The following PIK3C2B variants were observed in gnomAD, a reference collection of about 807,000 sequenced individuals.
The protein encoded by PIK3C2B is phosphatidylinositol-4-phosphate 3-kinase catalytic subunit type 2 beta.
A neutral mutation model predicts 184.3 loss-of-function variants in PIK3C2B; 83 were observed. The ratio of observed to expected loss-of-function variants is 0.45; its 90% CI spans 0.38 to 0.54. The LOEUF (loss-of-function observed/expected upper bound fraction) is 0.54. Among genes scored for constraint, PIK3C2B ranks in the 20% least tolerant of loss-of-function variants. PIK3C2B has a pLI of 0.00. For synonymous variants in PIK3C2B, 779 were observed against 837.6 expected, an observed-to-expected ratio of 0.93 and a Z score of 1.21; for missense variants, 1,736 against 2,113.5, an observed-to-expected ratio of 0.82 and a Z score of 3.50.
At chr1:204,430,496 C>T (rs1408761602) in intron 28 of PIK3C2B, among the ~76,000 whole-genome samples, 1 of 151,764 alleles carries the variant, frequency 6.6e-6, no homozygotes, top group Non-Finnish European at 1.5e-5. Context: ...CAGGCACACA[C>T]CACCGCACCC....
At chr1:204,491,336 C>G (rs957250544) in intron 1 of PIK3C2B, among the ~76,000 whole-genome samples, 1 of 151,572 alleles carries the variant, frequency 6.6e-6, no homozygotes, top group African/African-American at 2.4e-5. Context: ...TTGCAGGGAG[C>G]TGAGATGACA....
intron 21 of PIK3C2B, 110 bp downstream of exon 21, chr1:204,441,361 C>T: frequency 1.5e-6 from 1 of 647,230 alleles, no homozygotes; most frequent in Non-Finnish European, 2.8e-6. Flanking sequence ...TACATTAAGA[C>T]AGCATGGAAC....
intron 7 of PIK3C2B, 90 bp from the exon 8 acceptor site, chr1:204,460,031 C>T: frequency 3.0e-6 from 3 of 991,572 alleles, no homozygotes. Flanking sequence ...CTCTCCTCAG[C>T]TCACACTCTG....
In PIK3C2B at chr1:204,454,811, G is replaced by A. The variant is rs1473450393; in HGVS notation, c.1944-20C>T. ...TCATAGCTATAAAAGAAAGGGAGCA[G>A]GTCAGGACACCCAGCTCCCAAAACC... On this transcript the variant is annotated intron_variant, in intron 11 of 32. Transcript: ENST00000684373. The A allele has an allele frequency of 1.2e-6, 2 of 1,603,960 alleles. No individual in the cohort carries two copies. The highest frequency in any genetic ancestry group is 1.7e-6 in the Non-Finnish European group (2 of 1,178,268).
At chr1:204,460,194 G>A in intron 7 of PIK3C2B, 130 bp downstream of exon 7, 1 of 748,284 alleles carries the variant, frequency 1.3e-6, no homozygotes, top group Non-Finnish European at 2.3e-6. Context: ...TCTCTGATAA[G>A]ATGTGTGGGC....
Position 204,442,567 on chromosome 1 carries a change from G to A in PIK3C2B, c.3115C>T (p.Pro1039Ser). 6.4e-7 allele frequency: 1 copy of A among 1,555,318 alleles called. No individual in the cohort carries two copies. Among genetic ancestry groups the A allele is most frequent in the Non-Finnish European group, 8.7e-7 (1 of 1,149,106 alleles). The change falls in exon 20 of 33, where the codon CCA becomes TCA. Residue 1039 changes from proline to serine, a missense_variant. Around this residue, in one of 8 missense-constraint regions of PIK3C2B, gnomAD observed 289 missense variants for 380.4 expected, o/e 0.76. Transcript: ENST00000684373. ...TTAACCAGCAGACTGGGGCTGAGTG[G>A]CAAGCGGCACGAGCCATTGAGGGCA... is the stretch of plus-strand genomic sequence containing the variant. Reference protein sequence around the residue: ...FFALNGSCRLPLSPSLLVKGI... With the variant: ...FFALNGSCRLSLSPSLLVKGI...
intron 1 of PIK3C2B, among the ~76,000 whole-genome samples, chr1:204,484,494 G>A (rs1253462417): frequency 6.6e-6 from 1 of 152,134 alleles, no homozygotes; most frequent in Non-Finnish European, 1.5e-5. Flanking sequence ...CAGCACTTTG[G>A]GAGGCCAAGG....
chr1:204,459,807 C>T, intron 8 of PIK3C2B, 71 bp downstream of exon 8: 1 of 1,295,876 alleles, frequency 7.7e-7, no homozygotes, highest in South Asian at 1.2e-5. Context: ...GCTGGGTGAT[C>T]CCAGGAGGAC....
At chr1:204,440,369 A>C in intron 21 of PIK3C2B, 48 bp from the exon 22 acceptor site, 1 of 1,521,222 alleles carries the variant, frequency 6.6e-7, no homozygotes, top group Admixed American at 2.0e-5. Context: ...CTACCTCCCC[A>C]GCTCTCAGGT....
Position 204,469,064 on chromosome 1 carries a change from C to T in PIK3C2B, c.739G>A (p.Glu247Lys). The change falls in exon 2 of 33, where the codon GAG (glutamate) becomes AAG (lysine). Residue 247 changes from glutamate (E) to lysine (K), a missense_variant. Glu to Lys is a moderately conservative substitution (Grantham distance 56, BLOSUM62 1). Transcript: ENST00000684373. ...RLNLKSTYDA[E>K]MLRDATRGWK... is the part of the protein sequence containing the mutation. ...CCCCTGGTGGCATCCCGCAACATCT[C>T]CGCATCATAGGTCGATTTCAAGTTG... 6.2e-7 allele frequency: 1 copy of T among 1,614,224 alleles called. No homozygotes were observed. Among genetic ancestry groups the T allele is most frequent in the South Asian group, 1.1e-5 (1 of 91,088 alleles).
Position 204,428,145 on chromosome 1 carries a change from A to T in PIK3C2B, c.4474T>A (p.Ser1492Thr). 1 of 1,600,620 alleles carries T rather than the reference A, an allele frequency of 6.2e-7. No homozygotes were observed. Among genetic ancestry groups the T allele is most frequent in the Non-Finnish European group, 8.6e-7 (1 of 1,167,926 alleles). ...CTCAGAGAAGATACTGTACCTGAGG[A>T]CTTAGGAGCTGGGCTGGTGCCCATA... is the stretch of plus-strand genomic sequence containing the variant. ...KAMGTSPAPK[S>T]SDGTWARPVG... is the part of the protein sequence containing the mutation. Residue 1492 changes from serine (S) to threonine (T), a missense_variant, in exon 30 of 33, where the codon TCC becomes ACC. Around this residue, in one of 8 missense-constraint regions of PIK3C2B, gnomAD observed 200 missense variants for 199.1 expected, o/e 1.00. Transcript: ENST00000684373.
At chr1:204,491,321 G>A (rs573659997) in intron 1 of PIK3C2B, among the ~76,000 whole-genome samples, 10 of 152,056 alleles carry the variant, frequency 6.6e-5, no homozygotes, top group South Asian at 2.1e-4. Flanking sequence ...CCTGGGAGAC[G>A]GAGGTTGCAG....
Position 204,433,979 on chromosome 1 carries a change from G to A in PIK3C2B, c.3687-30C>T, listed in dbSNP as rs1287878067. On this transcript the variant is annotated intron_variant, in intron 24 of 32. Coordinates refer to ENST00000684373, the MANE Select transcript of PIK3C2B (RefSeq NM_001377334.1). This position sits in a 1 kb window ranked among gnomAD's most constrained non-coding sequence, Gnocchi z 5.0. ...GCCAAGGGGAACATACAGGTAGAAG[G>A]TCAACATGGAGGAGGAAGCCCACCA... 1 of 1,604,992 alleles carries A rather than the reference G, an allele frequency of 6.2e-7. No individual in the cohort carries two copies. Among genetic ancestry groups the A allele is most frequent in the South Asian group, 1.1e-5 (1 of 90,812 alleles).
chr1:204,467,647 C>T (rs1303778825), intron 2 of PIK3C2B, among the ~76,000 whole-genome samples: 1 of 151,998 alleles, frequency 6.6e-6, no homozygotes, highest in East Asian at 1.9e-4. Flanking sequence ...CCAGCCTGGC[C>T]AATGTGGTGA....
At chr1:204,470,665 T>TA (rs1214525929) in intron 1 of PIK3C2B, among the ~76,000 whole-genome samples, 2 of 152,218 alleles carry the variant, frequency 1.3e-5, no homozygotes, top group African/African-American at 4.8e-5. Context: ...CCAAGGAAAA[T>TA]AAAAGCATAT....
chr1:204,435,783 G>A (rs16853668), intron 23 of PIK3C2B: 5,827 of 152,220 alleles, frequency 0.038, 139 homozygotes, highest in Middle Eastern at 0.068. Context: ...GCTACTTGTC[G>A]AATTACAACC....
In PIK3C2B at chr1:204,454,430, C is replaced by T. The variant is rs554610537; in HGVS notation, c.2066+239G>A. On this transcript the variant is annotated intron_variant, in intron 12 of 32. Transcript: ENST00000684373. ...CCAGGAGGCAGAGCTTGCAGTGAGC[C>T]GAGATCGCACCACTGCACTCCAGCT... is the stretch of plus-strand genomic sequence containing the variant. The T allele has an allele frequency of 1.2e-3, 420 of 346,618 alleles. 2 individuals are homozygous for T. The highest frequency in any genetic ancestry group is 1.5e-3 in the Non-Finnish European group (290 of 192,270). The allele number at this position is 346,618 out of a possible 1,614,324, so 21.5% of individuals were successfully genotyped here.
intron 1 of PIK3C2B, among the ~76,000 whole-genome samples, chr1:204,482,120 G>A (rs1267662475): frequency 4.1e-5 from 1 of 24,142 alleles, no homozygotes; most frequent in Non-Finnish European, 1.9e-4. Flanking sequence ...GGGGGGGGGG[G>A]GGGGGGTGCT....
chr1:204,437,776 A>T (rs115363423), intron 23 of PIK3C2B, among the ~76,000 whole-genome samples: 257 of 152,340 alleles, frequency 1.7e-3, no homozygotes, highest in African/African-American at 5.9e-3. Flanking sequence ...AGCAAACACA[A>T]AAAGCAGGTT....
Sources: allele counts gnomAD v4.1 joint callset (sites outside exome capture counted in the v4.1 genomes callset), GRCh38; gene constraint gnomAD v4.1.1; regional missense constraint gnomAD v4.1.1; non-coding constraint Gnocchi (gnomAD v3.1); transcripts MANE v1.5; gene names NCBI Gene and HGNC (gene_info 2026-07-23, HGNC 2026-07-21).